ITGA6: variants seen among roughly 807,000 people sequenced by gnomAD.
The protein encoded by ITGA6 is integrin alpha-6.
Under a neutral mutation model 133.6 loss-of-function variants are expected in ITGA6, and 63 were observed. The observed-to-expected ratio is 0.47, with a 90% CI of 0.38 to 0.58. The LOEUF is 0.58. Among genes scored for constraint, ITGA6 ranks in the 20% least tolerant of loss-of-function variants. The pLI is 0.00. For missense variants in ITGA6, 1,068 were observed against 1,309.4 expected (o/e 0.82, Z 2.85); for synonymous variants, 434 against 482.0 (o/e 0.90, Z 1.30).
At chr2:172,432,161 G>A (rs777317003) in intron 1 of ITGA6, among the ~76,000 whole-genome samples, 1 of 152,186 alleles carries the variant, frequency 6.6e-6, no homozygotes, top group African/African-American at 2.4e-5. Flanking sequence ...AGATGACAGG[G>A]TCAATTGTGC....
intron 1 of ITGA6, among the ~76,000 whole-genome samples, chr2:172,445,646 C>CT (rs1169170817): frequency 4.5e-5 from 5 of 111,280 alleles, no homozygotes; most frequent in Admixed American, 1.1e-4. Context: ...GAGACTCCGT[C>CT]TTTTTTAAAA....
At chr2:172,435,612 G>GTTTTTTT (rs1684284876) in intron 1 of ITGA6, among the ~76,000 whole-genome samples, 1 of 113,110 alleles carries the variant, frequency 8.8e-6, no homozygotes, top group Admixed American at 8.6e-5. Flanking sequence ...CAAGAGTTTT[G>GTTTTTTT]TTTCTTTTTT....
intron 1 of ITGA6, among the ~76,000 whole-genome samples, chr2:172,446,657 G>A (rs976029296): frequency 6.6e-6 from 1 of 152,160 alleles, no homozygotes; most frequent in South Asian, 2.1e-4. Flanking sequence ...ATGTCATTTG[G>A]CAACTGATAA....
intron 25 of ITGA6, among the ~76,000 whole-genome samples, chr2:172,502,181 A>C (rs927314801): frequency 3.9e-5 from 6 of 152,218 alleles, no homozygotes; most frequent in African/African-American, 1.4e-4. Context: ...TACACACAAA[A>C]AGAGACTTTT....
chr2:172,490,278 C>T (rs1686864766), intron 20 of ITGA6, among the ~76,000 whole-genome samples: 1 of 152,128 alleles, frequency 6.6e-6, no homozygotes, highest in Non-Finnish European at 1.5e-5. Context: ...AGACAGATTC[C>T]ACATACAAGC....
intron 1 of ITGA6, among the ~76,000 whole-genome samples, chr2:172,462,189 C>G (rs1228024283): frequency 6.6e-6 from 1 of 152,166 alleles, no homozygotes; most frequent in Non-Finnish European, 1.5e-5. Context: ...GCGGTGGGTC[C>G]CAGGAGACCG....
chr2:172,500,772 C>G (rs929003528), intron 24 of ITGA6, among the ~76,000 whole-genome samples: 7 of 152,204 alleles, frequency 4.6e-5, no homozygotes, highest in African/African-American at 1.7e-4. Context: ...TGTTCTGGAG[C>G]TGCAGCATCC....
At chr2:172,427,995 C>T (rs1559107385) in intron 1 of ITGA6, 25 bp downstream of exon 1, 4 of 1,588,640 alleles carry the variant, frequency 2.5e-6, no homozygotes, top group East Asian at 2.4e-5. Flanking sequence ...CCTTCCCACC[C>T]CCACTGGGGC....
rs1110995 is a variant in ITGA6 at position 172,456,773 on chromosome 2, A to T, written c.183-8766A>T. On this transcript the variant is annotated intron_variant, in intron 1 of 25. Transcript: ENST00000684293. ...GGGGTCTAGAATAGGTGTTTTCTTTATAATCCAAATACAAAGCAATATTTA... is the reference window on the plus strand; with the variant it reads ...GGGGTCTAGAATAGGTGTTTTCTTTTTAATCCAAATACAAAGCAATATTTA... Among the ~76,000 whole-genome samples the T allele has an allele frequency of 6.4e-4, 98 of 152,354 alleles. 1 individual carries two copies. Among genetic ancestry groups the T allele is most frequent in the Admixed American group, 9.8e-4 (15 of 15,306 alleles).
intron 1 of ITGA6, among the ~76,000 whole-genome samples, chr2:172,436,060 G>C (rs1194643607): frequency 1.3e-5 from 2 of 152,204 alleles, no homozygotes; most frequent in Non-Finnish European, 2.9e-5. Context: ...GGTGAGACTA[G>C]GCCCAGGTAC....
chr2:172,482,508 G>A (rs1215169244), intron 11 of ITGA6, among the ~76,000 whole-genome samples: 1 of 152,130 alleles, frequency 6.6e-6, no homozygotes, highest in Non-Finnish European at 1.5e-5. Flanking sequence ...GTTAGCAAAG[G>A]TGGCCTGCAA....
At chr2:172,465,039 A>C in intron 1 of ITGA6, 1 of 187,074 alleles carries the variant, frequency 5.3e-6, no homozygotes, top group Non-Finnish European at 1.2e-5. Flanking sequence ...CAATTAGTAT[A>C]TAAACTGAAA....
intron 1 of ITGA6, among the ~76,000 whole-genome samples, chr2:172,459,475 G>T (rs1685342108): frequency 6.6e-6 from 1 of 152,176 alleles, no homozygotes; most frequent in Non-Finnish European, 1.5e-5. Flanking sequence ...CTGCACTCCA[G>T]CCTGGGCAAC....
intron 25 of ITGA6, 121 bp from the exon 26 acceptor site, chr2:172,503,970 G>A (rs1312511918): frequency 4.6e-6 from 3 of 650,534 alleles, no homozygotes; most frequent in East Asian, 3.3e-5. Flanking sequence ...AGAAAACCAT[G>A]TCTTTTTCCC....
At chr2:172,430,847 T>A (rs1231597896) in intron 1 of ITGA6, among the ~76,000 whole-genome samples, 1 of 152,206 alleles carries the variant, frequency 6.6e-6, no homozygotes, top group Non-Finnish European at 1.5e-5. Context: ...TTGGACTCTT[T>A]AATTTCTCTT....
chr2:172,467,761 C>A (rs1326950900), intron 3 of ITGA6, among the ~76,000 whole-genome samples: 1 of 152,030 alleles, frequency 6.6e-6, no homozygotes, highest in Non-Finnish European at 1.5e-5. Context: ...CCAAGGCGGG[C>A]GGATCACCTG....
intron 1 of ITGA6, chr2:172,465,061 A>T (rs1224440680): frequency 1.0e-5 from 2 of 197,314 alleles, no homozygotes; most frequent in African/African-American, 4.7e-5. Flanking sequence ...TCTAAGATAT[A>T]GTCAGAATTA....
chr2:172,491,283 G>A lies in ITGA6; in HGVS notation c.2841G>A (p.Lys947=). 1 of 1,613,398 alleles carries A rather than the reference G, an allele frequency of 6.2e-7. No individual in the cohort carries two copies. Among genetic ancestry groups the A allele is most frequent in the Non-Finnish European group, 8.5e-7 (1 of 1,179,352 alleles). Residue 947 remains lysine, a synonymous_variant, in exon 22 of 26, where the codon AAG becomes AAA. Transcript: ENST00000684293. This position sits in a 1 kb window ranked among gnomAD's most constrained non-coding sequence, Gnocchi z 4.4. ...IRCPLRGLDS[K]ASLILRSRLW... is the part of the protein sequence containing the mutation. ...GCCCGCTGCGGGGGCTGGACAGCAAGGCGTCTCTTATTTTGCGCTCGAGGT... is the reference window on the plus strand; with the variant it reads ...GCCCGCTGCGGGGGCTGGACAGCAAAGCGTCTCTTATTTTGCGCTCGAGGT...
At chr2:172,500,491 A>C (rs1047336563) in intron 24 of ITGA6, among the ~76,000 whole-genome samples, 5 of 152,156 alleles carry the variant, frequency 3.3e-5, no homozygotes, top group African/African-American at 7.2e-5. Context: ...TTAGCTGGGC[A>C]TGGTGGCGGG....
Sources: gnomAD v4.1 joint callset for allele counts (sites outside exome capture counted in the v4.1 genomes callset) on GRCh38, gnomAD v4.1.1 for gene constraint, Gnocchi (gnomAD v3.1) non-coding constraint, MANE v1.5 for transcripts, NCBI Gene and HGNC (gene_info 2026-07-23, HGNC 2026-07-21) for gene names.